The following WDR59 variants were observed in gnomAD, a reference collection of about 807,000 sequenced individuals.
WDR59 encodes the protein WD repeat domain 59, also known as GATOR2 complex protein WDR59.
In WDR59, 100 loss-of-function variants were observed where a neutral mutation model predicts 131.2. That is an observed-to-expected ratio of 0.76 (90% CI 0.65 to 0.90). The LOEUF is 0.90. Ranked by LOEUF, WDR59 falls within the 40% of genes least tolerant of loss-of-function variation. WDR59 has a pLI of 0.00. For missense variants in WDR59, 1,203 were observed against 1,262.2 expected (o/e 0.95, Z 0.71); for synonymous variants, 601 against 466.2 (o/e 1.29, Z -3.72).
chr16:74,930,702 GGCCAACA>G (rs1216149025), intron 8 of WDR59: 1 of 151,948 alleles, frequency 6.6e-6, no homozygotes, highest in Non-Finnish European at 1.5e-5. Flanking sequence ...AGACCAGCCT[GGCCAACA>G]TGGTGAAACT....
At chr16:74,942,265 T>C (rs117279754) in intron 7 of WDR59, among the ~76,000 whole-genome samples, 3 of 152,256 alleles carry the variant, frequency 2.0e-5, no homozygotes, top group East Asian at 1.9e-4. Context: ...GTAAGCATCA[T>C]GAGCACCCTA....
intron 25 of WDR59, among the ~76,000 whole-genome samples, chr16:74,883,432 T>C (rs1964611776): frequency 6.6e-6 from 1 of 152,182 alleles, no homozygotes; most frequent in South Asian, 2.1e-4. Flanking sequence ...TTCAGCTTTA[T>C]CATGCCCTGC....
rs1475762514 is a variant in WDR59, at chr16:74,872,131, G to A, written c.*2078C>T. 1 of 152,140 alleles carries A rather than the reference G, an allele frequency of 6.6e-6. No homozygotes were observed. The highest frequency in any genetic ancestry group is 1.5e-5 in the Non-Finnish European group (1 of 68,048). 9.4% of individuals were successfully genotyped at this position (152,140 alleles called of 1,614,324 possible). A position where few individuals can be genotyped will look rare whatever the true frequency, so the allele number is the denominator to read the frequency against. ...CAAAACATTTTCCTTAGCTATGTATGGTACATTGTGATCATTTTTCTCTTA... is the reference window on the plus strand; with the variant it reads ...CAAAACATTTTCCTTAGCTATGTATAGTACATTGTGATCATTTTTCTCTTA... On this transcript the variant is annotated 3_prime_UTR_variant, in exon 26 of 26. Coordinates refer to ENST00000262144, the MANE Select transcript of WDR59 (RefSeq NM_030581.4).
At position 74,923,988 on chromosome 16, in the gene WDR59, G is replaced by C; in HGVS notation, c.667C>G (p.Gln223Glu). Residue 223 changes from glutamine (Q) to glutamate (E), a missense_variant, in exon 9 of 26, where the codon CAG becomes GAG. Physicochemically the swap from Gln to Glu is conservative, Grantham distance 29. Transcript: ENST00000262144. ...AGAATATTGAGGTATTTCCGAGGCTGGCGGTAATCCCAGAACTAGAAGAGA... is the reference window on the plus strand; with the variant it reads ...AGAATATTGAGGTATTTCCGAGGCTCGCGGTAATCCCAGAACTAGAAGAGA... ...DNSVKFWDYR[Q>E]PRKYLNILPC... The C allele has an allele frequency of 6.2e-7, 1 of 1,613,596 alleles. No individual in the cohort carries two copies. The highest frequency in any genetic ancestry group is 8.5e-7 in the Non-Finnish European group (1 of 1,179,950).
At chr16:74,874,997 T>C (rs28691663) in intron 25 of WDR59, among the ~76,000 whole-genome samples, 2,645 of 152,250 alleles carry the variant, frequency 0.017, 60 homozygotes, top group African/African-American at 0.057. Flanking sequence ...CCCAGTGCCC[T>C]ACAGCAGGGG....
rs574952112 is a variant in WDR59, at chr16:74,904,061, G to A, written c.1752C>T (p.Ile584=). 3.5e-5 allele frequency: 56 copies of A among 1,613,322 alleles called. No individual in the cohort carries two copies. The Middle Eastern group carries it at 5.0e-4, about 15-fold the overall frequency. The part of the protein sequence containing the change: ...SALSAYHTGL[I]APMKIRTEAP... ...CCTCTGTGCGGATCTTCATGGGCGCGATCAAGCCAGTGTGATAAGCAGACA... is the reference window on the plus strand; with the variant it reads ...CCTCTGTGCGGATCTTCATGGGCGCAATCAAGCCAGTGTGATAAGCAGACA... The change falls in exon 18 of 26, where the codon ATC becomes ATT. Residue 584 remains isoleucine (I), a synonymous_variant. Coordinates refer to ENST00000262144, the MANE Select transcript of WDR59 (RefSeq NM_030581.4).
chr16:74,911,364 T>G (rs148528986), intron 14 of WDR59, among the ~76,000 whole-genome samples: 248 of 152,324 alleles, frequency 1.6e-3, no homozygotes, highest in Middle Eastern at 3.4e-3. Flanking sequence ...TGGTTCCATG[T>G]GATACCCCCA....
intron 1 of WDR59, among the ~76,000 whole-genome samples, chr16:74,975,727 G>T (rs2034154777): frequency 6.6e-6 from 1 of 151,564 alleles, no homozygotes. Context: ...GCTTAGAAAG[G>T]AAGTAACTTG....
At chr16:74,900,976 G>A (rs1477977365) in intron 18 of WDR59, among the ~76,000 whole-genome samples, 4 of 152,258 alleles carry the variant, frequency 2.6e-5, no homozygotes, top group Non-Finnish European at 2.9e-5. Context: ...TTGGGCACCT[G>A]TAATCCCAGC....
At chr16:74,897,245 A>G (rs987241696) in intron 18 of WDR59, among the ~76,000 whole-genome samples, 1 of 152,168 alleles carries the variant, frequency 6.6e-6, no homozygotes, top group East Asian at 1.9e-4. Context: ...CTGCAGCTAC[A>G]TGGCTTCATA....
intron 1 of WDR59, among the ~76,000 whole-genome samples, chr16:74,967,633 T>C (rs550919411): frequency 1.3e-5 from 2 of 152,130 alleles, no homozygotes; most frequent in Non-Finnish European, 2.9e-5. Context: ...CCAAGACGGA[T>C]GGATCACCTG....
At chr16:74,933,269 T>A (rs539724455) in intron 8 of WDR59, among the ~76,000 whole-genome samples, 3 of 152,010 alleles carry the variant, frequency 2.0e-5, no homozygotes, top group Non-Finnish European at 4.4e-5. Flanking sequence ...CCACTTGGAG[T>A]GCAGCCTGGG....
intron 2 of WDR59, among the ~76,000 whole-genome samples, 186 bp downstream of exon 2, chr16:74,965,587 A>T (rs575999180): frequency 6.6e-6 from 1 of 152,342 alleles, no homozygotes; most frequent in South Asian, 2.1e-4. Context: ...TTGCTTACCT[A>T]TTAGGGCAGA....
At chr16:74,927,681 AAAAC>A (rs141974001) in intron 8 of WDR59, among the ~76,000 whole-genome samples, 1,509 of 17,234 alleles carry the variant, frequency 0.088, 20 homozygotes, top group Middle Eastern at 0.1. Context: ...TGCTCTTTAA[AAAAC>A]ACACACACAC....
chr16:74,917,575 G>T (rs1465488035), intron 11 of WDR59, among the ~76,000 whole-genome samples: 1 of 152,146 alleles, frequency 6.6e-6, no homozygotes, highest in Non-Finnish European at 1.5e-5. Flanking sequence ...GTGGGAGGCT[G>T]AGGCAGGTGG....
Position 74,948,525 on chromosome 16 carries a change from C to T in WDR59, c.439G>A (p.Ala147Thr). The T allele has an allele frequency of 1.2e-6, 2 of 1,613,890 alleles. No individual in the cohort carries two copies. Among genetic ancestry groups the T allele is most frequent in the Non-Finnish European group, 1.7e-6 (2 of 1,179,810 alleles). The change falls in exon 6 of 26, where the codon GCT becomes ACT. Residue 147 changes from alanine (A) to threonine (T), a missense_variant. Ala to Thr is a moderately conservative substitution (Grantham distance 58). Transcript: ENST00000262144. ...DTRKPTVALS[A>T]VAGASQVKWN... Reference sequence around the variant, plus strand: ...GGGAGAAGCATACACTCACCAACAGCAGACAGTGCAACAGTAGGTTTCCTT... The same window carrying T: ...GGGAGAAGCATACACTCACCAACAGTAGACAGTGCAACAGTAGGTTTCCTT...
rs1209751045 is a variant in WDR59 at position 74,916,011 on chromosome 16, G to C, written c.1100-17C>G. 2 of 1,614,036 alleles carry C rather than the reference G, an allele frequency of 1.2e-6. No individual in the cohort carries two copies. The highest frequency in any genetic ancestry group is 2.7e-5 in the African/African-American group (2 of 74,920). On this transcript the variant is annotated splice_polypyrimidine_tract_variant and intron_variant, in intron 12 of 25. Transcript: ENST00000262144. ...CTTTTAGGGCTAGCAGGAGAGAGAAGTTCAATGTTGGAAAGCATTTTTGAA... is the reference window on the plus strand; with the variant it reads ...CTTTTAGGGCTAGCAGGAGAGAGAACTTCAATGTTGGAAAGCATTTTTGAA...
intron 25 of WDR59, among the ~76,000 whole-genome samples, chr16:74,874,952 G>A (rs1421541755): frequency 6.6e-6 from 1 of 152,064 alleles, no homozygotes; most frequent in African/African-American, 2.4e-5. Context: ...CCCAGCTGCT[G>A]AGTACTGTAT....
rs539249169 is a variant in WDR59, at chr16:74,881,287, C to A, written c.2689+4366G>T. Among the ~76,000 whole-genome samples the A allele has an allele frequency of 5.9e-5, 9 of 152,278 alleles. No individual in the cohort carries two copies. The South Asian group carries it at 1.7e-3, about 28-fold the overall frequency. ...ATGACCCTTGCAGACAAGATTACCA[C>A]AGAGGAAACTGCTGCCTTTCCAGTG... On this transcript the variant is annotated intron_variant, in intron 25 of 25. Coordinates refer to ENST00000262144, the MANE Select transcript of WDR59 (RefSeq NM_030581.4).
Sources: allele counts gnomAD v4.1 joint callset (sites outside exome capture counted in the v4.1 genomes callset), GRCh38; gene constraint gnomAD v4.1.1; transcripts MANE v1.5; gene names NCBI Gene and HGNC (gene_info 2026-07-23, HGNC 2026-07-21).